Variants in CHRDL1 observed in about 807,000 individuals in gnomAD.
The protein encoded by CHRDL1 is chordin-like protein 1.
CHRDL1 carries 19 observed loss-of-function variants against 40.9 expected under a neutral mutation model. The observed-to-expected ratio is 0.46, with a 90% CI of 0.32 to 0.68. The LOEUF (loss-of-function observed/expected upper bound fraction) is 0.68, where lower values mean the gene tolerates loss of function less well. Ranked by LOEUF, CHRDL1 falls within the 30% of genes least tolerant of loss-of-function variation. The probability of loss-of-function intolerance (pLI) is 0.03; values close to 1 mark genes in which losing one functional copy is unlikely to be tolerated. For synonymous variants in CHRDL1, 136 were observed against 123.4 expected, an observed-to-expected ratio of 1.10 and a Z score of -0.68; for missense variants, 329 against 352.1, an observed-to-expected ratio of 0.93 and a Z score of 0.53.
At chrX:110,694,677 A>C (rs1453096399) in intron 7 of CHRDL1, among the ~76,000 whole-genome samples, 1 of 112,413 alleles carries the variant, frequency 8.9e-6, no homozygotes, top group Non-Finnish European at 1.9e-5. Flanking sequence ...GAGTTAAGAC[A>C]GTAGTCTGCA....
intron 1 of CHRDL1, among the ~76,000 whole-genome samples, chrX:110,793,366 G>C (rs752187440): frequency 8.0e-5 from 9 of 112,015 alleles, no homozygotes; most frequent in Non-Finnish European, 1.3e-4. Context: ...AGGAAGAACT[G>C]ATGATAGAGT....
At chrX:110,749,879 T>C (rs2148496225) in intron 4 of CHRDL1, among the ~76,000 whole-genome samples, 1 of 112,378 alleles carries the variant, frequency 8.9e-6, no homozygotes, top group Non-Finnish European at 1.9e-5. Context: ...GATATCTGGT[T>C]ACTTTGAGAA....
intron 6 of CHRDL1, among the ~76,000 whole-genome samples, chrX:110,710,703 A>T (rs1453266155): frequency 8.9e-6 from 1 of 112,043 alleles, no homozygotes; most frequent in Admixed American, 9.5e-5. Context: ...AGCACAAGAG[A>T]TGGAGAGAAA....
intron 5 of CHRDL1, 39 bp downstream of exon 5, chrX:110,721,346 A>C (rs1569471845): frequency 8.5e-7 from 1 of 1,175,197 alleles, no homozygotes; most frequent in Non-Finnish European, 1.2e-6. Flanking sequence ...CTTGTATTTG[A>C]GTAGGGCCTA....
intron 2 of CHRDL1, among the ~76,000 whole-genome samples, chrX:110,781,292 T>C (rs1166149188): frequency 9.0e-6 from 1 of 111,551 alleles, no homozygotes; most frequent in East Asian, 2.8e-4. Flanking sequence ...AATCTGAGTA[T>C]ACATGTGGAA....
intron 8 of CHRDL1, among the ~76,000 whole-genome samples, chrX:110,693,067 C>G (rs995031817): frequency 3.6e-5 from 4 of 111,031 alleles, no homozygotes; most frequent in South Asian, 7.8e-4. Context: ...CTTGCTCCAA[C>G]GAGCTGGTTG....
intron 10 of CHRDL1, 75 bp from the exon 11 acceptor site, chrX:110,679,500 G>A: frequency 1.5e-6 from 1 of 670,324 alleles, no homozygotes; most frequent in Non-Finnish European, 2.4e-6. Flanking sequence ...TTTCTGCTCA[G>A]GCTCAGCATA....
At chrX:110,710,927 C>T (rs757334685) in intron 6 of CHRDL1, among the ~76,000 whole-genome samples, 15 of 111,370 alleles carry the variant, frequency 1.3e-4, no homozygotes, top group Admixed American at 9.6e-5. Context: ...AGTATCTATG[C>T]GGAATTGGTT....
rs1158480056 is a variant in CHRDL1 at position 110,719,875 on chromosome X, G to T, written c.501C>A (p.Phe167Leu). Residue 167 changes from phenylalanine (F) to leucine (L), a missense_variant, in exon 6 of 12, where the codon TTC (phenylalanine) becomes TTA (leucine). Physicochemically the swap from Phe to Leu is conservative, Grantham distance 22. Transcript: ENST00000372042. The part of the protein sequence containing the change: ...LKTCPKLTCA[F>L]PVSVPDSCCR... Reference sequence around the variant, plus strand: ...AGCAGGAATCTGGAACAGAGACTGGGAAGGCACAGGTTAATTTGGGGCAAG... The same window carrying T: ...AGCAGGAATCTGGAACAGAGACTGGTAAGGCACAGGTTAATTTGGGGCAAG... The T allele has an allele frequency of 8.3e-7, 1 of 1,207,815 alleles. No individual in the cohort carries two copies. The highest frequency in any genetic ancestry group is 1.8e-5 in the South Asian group (1 of 56,777).
intron 4 of CHRDL1, among the ~76,000 whole-genome samples, chrX:110,750,765 G>T (rs1306113329): frequency 8.9e-6 from 1 of 111,997 alleles, no homozygotes; most frequent in Non-Finnish European, 1.9e-5. Context: ...GAATGTGGAA[G>T]ATGGCAGAAG....
chrX:110,763,761 G>A (rs947302024), intron 2 of CHRDL1, among the ~76,000 whole-genome samples: 3 of 111,349 alleles, frequency 2.7e-5, no homozygotes, highest in Non-Finnish European at 5.7e-5. Context: ...ACCCAACACT[G>A]GGATTTCTGG....
intron 6 of CHRDL1, among the ~76,000 whole-genome samples, chrX:110,719,259 C>T (rs758117395): frequency 8.4e-4 from 93 of 110,420 alleles, no homozygotes; most frequent in Non-Finnish European, 1.4e-3. Context: ...AGGAACCTAG[C>T]GAAAAAACTG....
intron 6 of CHRDL1, among the ~76,000 whole-genome samples, chrX:110,718,417 T>C (rs1020596112): frequency 8.9e-6 from 1 of 112,358 alleles, no homozygotes; most frequent in Non-Finnish European, 1.9e-5. Context: ...AGCTTCCCAA[T>C]GTATTAAAAA....
chrX:110,772,726 T>C (rs961291267), intron 2 of CHRDL1, among the ~76,000 whole-genome samples: 2 of 112,551 alleles, frequency 1.8e-5, no homozygotes, highest in African/African-American at 6.5e-5. Context: ...CAGAATAAAA[T>C]AGATTCAAAA....
At chrX:110,763,862 C>G (rs1208540989) in intron 2 of CHRDL1, among the ~76,000 whole-genome samples, 1 of 111,674 alleles carries the variant, frequency 9.0e-6, no homozygotes, top group Non-Finnish European at 1.9e-5. Flanking sequence ...TGCATCCACA[C>G]CAACATCTAC....
In CHRDL1 at chrX:110,762,724, C is replaced by A; in HGVS notation, c.178G>T (p.Val60Phe). The A allele has an allele frequency of 8.4e-7, 1 of 1,186,331 alleles. No individual in the cohort carries two copies. The highest frequency in any genetic ancestry group is 1.1e-6 in the Non-Finnish European group (1 of 874,606). ...GAGCAGATGCAGTTCACGCAGTAAA[C>A]CAACCCATAAGGTTCCAGGTAAGGA... The part of the protein sequence containing the change: ...WHPYLEPYGL[V>F]YCVNCICSEN... The change falls in exon 3 of 12, where the codon GTT becomes TTT. Residue 60 changes from valine (V) to phenylalanine (F), a missense_variant. Val to Phe is a conservative substitution (Grantham distance 50). Transcript: ENST00000372042.
chrX:110,789,973 T>C (rs916343752), intron 2 of CHRDL1, among the ~76,000 whole-genome samples: 2 of 112,515 alleles, frequency 1.8e-5, no homozygotes, highest in East Asian at 2.8e-4. Flanking sequence ...ATTACCTGGA[T>C]CATTTTTGTA....
At position 110,680,921 on chromosome X, in the gene CHRDL1, T is replaced by C. The variant is rs180954495; in HGVS notation, c.1156+561A>G. Among the ~76,000 whole-genome samples the C allele has an allele frequency of 2.7e-3, 303 of 111,798 alleles. 1 individual carries two copies. Among genetic ancestry groups the C allele is most frequent in the African/African-American group, 9.2e-3 (284 of 30,799 alleles). ...ACTATAACCTTCTTGAGGGCAGGGA[T>C]GATGTTTTAAATTTGTTTTACCCCA... On this transcript the variant is annotated intron_variant, in intron 10 of 11. Coordinates refer to ENST00000372042, the MANE Select transcript of CHRDL1 (RefSeq NM_001143981.2).
At chrX:110,694,506 AT>A (rs1438370065) in intron 7 of CHRDL1, among the ~76,000 whole-genome samples, 175 bp from the exon 8 acceptor site, 2 of 111,462 alleles carry the variant, frequency 1.8e-5, no homozygotes, top group African/African-American at 6.5e-5. Flanking sequence ...AGCAGCTGAC[AT>A]TTTTTTCATT....
Sources: allele counts gnomAD v4.1 joint callset (sites outside exome capture counted in the v4.1 genomes callset), GRCh38; gene constraint gnomAD v4.1.1; transcripts MANE v1.5; gene names NCBI Gene and HGNC (gene_info 2026-07-23, HGNC 2026-07-21).